The following AFF3 variants were observed in gnomAD, a reference collection of about 807,000 sequenced individuals.
The protein encoded by AFF3 is ALF transcription elongation factor 3, also known as AF4/FMR2 family member 3.
AFF3 carries 32 observed loss-of-function variants against 129.7 expected under a neutral mutation model. The observed-to-expected ratio is 0.25, with a 90% confidence interval of 0.19 to 0.33. AFF3 has a LOEUF of 0.33. Ranked by LOEUF, AFF3 falls within the 10% of genes least tolerant of loss-of-function variation. AFF3 has a pLI of 1.00. For synonymous variants in AFF3, 644 were observed against 635.4 expected (o/e 1.01, Z -0.20); for missense variants, 1,373 against 1,592.0 (o/e 0.86, Z 2.34).
chr2:99,623,445 G>A (rs976506119), intron 13 of AFF3, among the ~76,000 whole-genome samples: 1 of 152,152 alleles, frequency 6.6e-6, no homozygotes, highest in African/African-American at 2.4e-5. Flanking sequence ...AGGATCCCAC[G>A]GGTATCTGGA....
chr2:99,840,547 A>G (rs1385123792), intron 7 of AFF3, among the ~76,000 whole-genome samples: 2 of 152,224 alleles, frequency 1.3e-5, no homozygotes, highest in African/African-American at 2.4e-5. Flanking sequence ...ATAGTGTTCA[A>G]TATCATGACA....
chr2:99,784,949 C>T (rs1054524586), intron 8 of AFF3, among the ~76,000 whole-genome samples: 1 of 152,190 alleles, frequency 6.6e-6, no homozygotes, highest in Non-Finnish European at 1.5e-5. Flanking sequence ...CCGTGGCTGG[C>T]GTGTTCCCTC....
intron 11 of AFF3, among the ~76,000 whole-genome samples, chr2:99,690,155 TTTATTATTATTATTATTATTA>T (rs200485697): frequency 1.6e-5 from 2 of 123,018 alleles, no homozygotes; most frequent in African/African-American, 3.0e-5. Context: ...AACCACAATC[TTTATTATTATTATTATTATTA>T]TTATTATTAT....
intron 4 of AFF3, among the ~76,000 whole-genome samples, chr2:100,035,498 C>T (rs751940249): frequency 1.7e-4 from 26 of 152,322 alleles, no homozygotes; most frequent in Middle Eastern, 3.4e-3. Context: ...AAGCAACCTA[C>T]TAACTTTTTT....
At chr2:99,692,706 T>C (rs553000701) in intron 11 of AFF3, among the ~76,000 whole-genome samples, 1 of 152,208 alleles carries the variant, frequency 6.6e-6, no homozygotes, top group South Asian at 2.1e-4. Context: ...CTCTGAACCC[T>C]ATGGAGGATA....
At chr2:99,759,099 T>G (rs1261421083) in intron 8 of AFF3, among the ~76,000 whole-genome samples, 2 of 152,246 alleles carry the variant, frequency 1.3e-5, no homozygotes, top group African/African-American at 4.8e-5. Context: ...CATTTGTGTC[T>G]TGAGGCTTTT....
chr2:100,077,439 T>C (rs576465309), intron 4 of AFF3, among the ~76,000 whole-genome samples: 1 of 151,950 alleles, frequency 6.6e-6, no homozygotes, highest in African/African-American at 2.4e-5. Context: ...AAGCTGGAAA[T>C]AGCAAGGAAA....
chr2:99,952,151 T>C (rs1466954545), intron 7 of AFF3, among the ~76,000 whole-genome samples: 1 of 151,980 alleles, frequency 6.6e-6, no homozygotes, highest in Non-Finnish European at 1.5e-5. Context: ...TGATGGGAGG[T>C]GACTGGATCA....
At chr2:99,616,008 C>T (rs1367608441) in intron 13 of AFF3, among the ~76,000 whole-genome samples, 1 of 152,192 alleles carries the variant, frequency 6.6e-6, no homozygotes, top group East Asian at 1.9e-4. Context: ...CTTTCTAGCC[C>T]TAATCTCAGA....
chr2:99,570,482 G>T (rs1676374444), intron 18 of AFF3, among the ~76,000 whole-genome samples: 3 of 152,064 alleles, frequency 2.0e-5, no homozygotes, highest in African/African-American at 7.2e-5. Flanking sequence ...GACTACAGGT[G>T]TGTGCCACTA....
intron 1 of AFF3, among the ~76,000 whole-genome samples, chr2:100,134,378 A>G (rs564760903): frequency 6.6e-6 from 1 of 151,998 alleles, no homozygotes; most frequent in Non-Finnish European, 1.5e-5. Flanking sequence ...AGGCATCTGT[A>G]TTTTTTTTCT....
chr2:99,894,457 A>G (rs1576296418), intron 7 of AFF3, among the ~76,000 whole-genome samples: 1 of 151,622 alleles, frequency 6.6e-6, no homozygotes, highest in Non-Finnish European at 1.5e-5. Flanking sequence ...GTTTTTTCTG[A>G]TCAGCGTCAG....
At chr2:100,139,188 G>A (rs1355545257) in intron 1 of AFF3, among the ~76,000 whole-genome samples, 1 of 152,116 alleles carries the variant, frequency 6.6e-6, no homozygotes, top group Non-Finnish European at 1.5e-5. Flanking sequence ...TCAGGATGGG[G>A]AAAAGTAAAA....
At chr2:99,750,038 G>T (rs892515302) in intron 9 of AFF3, among the ~76,000 whole-genome samples, 2 of 152,074 alleles carry the variant, frequency 1.3e-5, no homozygotes, top group African/African-American at 4.8e-5. Flanking sequence ...AAGTATAAGA[G>T]AATTAGAATA....
chr2:100,036,361 T>C (rs1573205497), intron 4 of AFF3, among the ~76,000 whole-genome samples: 1 of 151,974 alleles, frequency 6.6e-6, no homozygotes, highest in Non-Finnish European at 1.5e-5. Flanking sequence ...CTTCATATAA[T>C]TACAAATCCA....
chr2:99,650,709 CA>C (rs2105621043), intron 12 of AFF3, among the ~76,000 whole-genome samples: 1 of 151,964 alleles, frequency 6.6e-6, no homozygotes, highest in South Asian at 2.1e-4. Flanking sequence ...TTATTCTGGC[CA>C]TTTCCCTACA....
intron 8 of AFF3, among the ~76,000 whole-genome samples, chr2:99,755,436 T>G (rs1682016375): frequency 6.6e-6 from 1 of 151,986 alleles, no homozygotes; most frequent in African/African-American, 2.4e-5. Context: ...CCTGGCTAAT[T>G]CTGTATTTTT....
At chr2:99,814,307 A>G (rs1687041182) in intron 8 of AFF3, among the ~76,000 whole-genome samples, 1 of 152,130 alleles carries the variant, frequency 6.6e-6, no homozygotes, top group Admixed American at 6.5e-5. Flanking sequence ...AACTAACTGA[A>G]GCCTGAAAAA....
At chr2:99,705,900 A>AAAAAAAAC (rs1268873680) in intron 11 of AFF3, among the ~76,000 whole-genome samples, 1 of 138,354 alleles carries the variant, frequency 7.2e-6, no homozygotes, top group African/African-American at 2.7e-5. Context: ...AAAAAAAAAA[A>AAAAAAAAC]CACGCCCTTT....
Sources: allele counts gnomAD v4.1 joint callset (sites outside exome capture counted in the v4.1 genomes callset), GRCh38; gene constraint gnomAD v4.1.1; transcripts MANE v1.5; gene names NCBI Gene and HGNC (gene_info 2026-07-23, HGNC 2026-07-21).